IGF1R: variants seen among roughly 807,000 people sequenced by gnomAD.
IGF1R encodes the protein insulin-like growth factor 1 receptor.
IGF1R carries 44 observed loss-of-function variants against 144.6 expected under a neutral mutation model. That is an observed-to-expected ratio of 0.30 (90% CI 0.24 to 0.39). IGF1R has a LOEUF of 0.39. IGF1R is among the 10% of genes least tolerant of loss of function. IGF1R has a pLI of 1.00. For missense variants in IGF1R, 1,355 were observed against 1,833.7 expected, an observed-to-expected ratio of 0.74 and a Z score of 4.77; for synonymous variants, 795 against 722.8, an observed-to-expected ratio of 1.10 and a Z score of -1.60.
intron 2 of IGF1R, among the ~76,000 whole-genome samples, chr15:98,752,454 C>T (rs575238371): frequency 1.6e-4 from 24 of 152,186 alleles, no homozygotes; most frequent in African/African-American, 3.6e-4. Flanking sequence ...GAGGCCGAGG[C>T]GGGTGGATCA....
At chr15:98,831,017 A>G (rs1392342695) in intron 2 of IGF1R, among the ~76,000 whole-genome samples, 1 of 152,166 alleles carries the variant, frequency 6.6e-6, no homozygotes, top group East Asian at 1.9e-4. Context: ...ATCTCCTGGT[A>G]GATAACTAAC....
At chr15:98,810,570 T>TG (rs1190124187) in intron 2 of IGF1R, among the ~76,000 whole-genome samples, 21 of 150,970 alleles carry the variant, frequency 1.4e-4, no homozygotes, top group African/African-American at 4.4e-4. Context: ...TTTTTTTTTT[T>TG]GAGACGGAGT....
In IGF1R at chr15:98,704,539, A is replaced by G. The variant is rs746135310; in HGVS notation, c.95-3023A>G. ...GTTGCTTTAGGCCAAGCTGGAGTTG[A>G]TAGTGGCTCAGATCAGAGCTAAAGT... On this transcript the variant is annotated intron_variant, in intron 1 of 20. Coordinates refer to ENST00000650285, the MANE Select transcript of IGF1R (RefSeq NM_000875.5). The surrounding 1 kb of genome is among the most constrained non-coding windows in gnomAD (Gnocchi z 4.9). Among the ~76,000 whole-genome samples, 3 of 152,134 alleles carry G rather than the reference A, an allele frequency of 2.0e-5. No individual in the cohort carries two copies. The highest frequency in any genetic ancestry group is 2.0e-4 in the Admixed American group (3 of 15,272).
chr15:98,916,514 G>C lies in IGF1R; in HGVS notation c.1997-158G>C, dbSNP rs527639799. 159 of 729,084 alleles carry C rather than the reference G, an allele frequency of 2.2e-4. No homozygotes were observed. The African/African-American group carries it at 2.3e-3, about 11-fold the overall frequency. The allele number at this position is 729,084 out of a possible 1,614,324, so 45.2% of individuals were successfully genotyped here. On this transcript the variant is annotated intron_variant, in intron 9 of 20. Transcript: ENST00000650285. ...TAACCTCAGGTGATTTGCCCGCCTCGGCCTCCCAAAGTGCTGGGATTATAG... is the reference window on the plus strand; with the variant it reads ...TAACCTCAGGTGATTTGCCCGCCTCCGCCTCCCAAAGTGCTGGGATTATAG...
At chr15:98,665,056 C>T (rs1216447552) in intron 1 of IGF1R, among the ~76,000 whole-genome samples, 3 of 150,364 alleles carry the variant, frequency 2.0e-5, no homozygotes, top group Non-Finnish European at 3.0e-5. Context: ...CTCCCGGGTT[C>T]ACGCCATTCT....
At chr15:98,714,757 G>GC (rs1387457384) in intron 2 of IGF1R, among the ~76,000 whole-genome samples, 2 of 152,190 alleles carry the variant, frequency 1.3e-5, no homozygotes, top group Non-Finnish European at 2.9e-5. Flanking sequence ...GGGAAGAGGG[G>GC]CACATTGTCT....
intron 3 of IGF1R, among the ~76,000 whole-genome samples, chr15:98,894,632 G>A (rs1023946102): frequency 2.0e-5 from 3 of 152,200 alleles, no homozygotes; most frequent in Non-Finnish European, 2.9e-5. Context: ...AGCCAGGCAC[G>A]GCGGCTCACG....
intron 2 of IGF1R, among the ~76,000 whole-genome samples, chr15:98,787,435 G>C (rs749998908): frequency 6.6e-6 from 1 of 152,196 alleles, no homozygotes; most frequent in Non-Finnish European, 1.5e-5. Flanking sequence ...GCGTTGGAGC[G>C]TGAGCAAAGG....
intron 2 of IGF1R, among the ~76,000 whole-genome samples, chr15:98,825,626 C>A (rs974486777): frequency 3.9e-5 from 6 of 152,168 alleles, no homozygotes; most frequent in African/African-American, 1.4e-4. Context: ...CCAAAACCAT[C>A]CCTCTCCCCC....
chr15:98,705,323 C>T (rs2053834977), intron 1 of IGF1R, among the ~76,000 whole-genome samples: 1 of 152,136 alleles, frequency 6.6e-6, no homozygotes, highest in Admixed American at 6.5e-5. Context: ...ATAATGGGGA[C>T]AGAAGCTCAG....
At chr15:98,929,762 A>C in intron 14 of IGF1R, 102 bp downstream of exon 14, 1 of 843,964 alleles carries the variant, frequency 1.2e-6, no homozygotes, top group Non-Finnish European at 2.0e-6. Context: ...GAAATATTTT[A>C]TGGACTGGAA....
At chr15:98,712,535 T>TA (rs2054016611) in intron 2 of IGF1R, among the ~76,000 whole-genome samples, 1 of 152,000 alleles carries the variant, frequency 6.6e-6, no homozygotes, top group Non-Finnish European at 1.5e-5. Context: ...TCCTCCCCCT[T>TA]ACAGCAGTGA....
rs140437144 is a variant in IGF1R, at chr15:98,957,414, T to C, written c.4076T>C (p.Leu1359Ser). Residue 1359 changes from leucine to serine, a missense_variant, in exon 21 of 21, where the codon TTG becomes TCG. By Grantham distance (145) the Leu-to-Ser change is moderately radical. Transcript: ENST00000650285. Reference sequence around the variant, plus strand: ...GGGGGCCGCAAGAACGAGCGGGCCTTGCCGCTGCCCCAGTCTTCGACCTGC... The same window carrying C: ...GGGGGCCGCAAGAACGAGCGGGCCTCGCCGCTGCCCCAGTCTTCGACCTGC... ...MNGGRKNERA[L>S]PLPQSSTC 3 of 1,613,224 alleles carry C rather than the reference T, an allele frequency of 1.9e-6. No homozygotes were observed. The highest frequency in any genetic ancestry group is 2.5e-6 in the Non-Finnish European group (3 of 1,180,040).
chr15:98,929,270 A>G (rs570464001), intron 13 of IGF1R, among the ~76,000 whole-genome samples: 1 of 152,294 alleles, frequency 6.6e-6, no homozygotes, highest in East Asian at 1.9e-4. Context: ...AACTGCGTAC[A>G]AAGATTATTT....
intron 2 of IGF1R, among the ~76,000 whole-genome samples, chr15:98,846,673 C>G (rs774196083): frequency 6.6e-6 from 1 of 152,190 alleles, no homozygotes; most frequent in Non-Finnish European, 1.5e-5. Flanking sequence ...GCAGTACTGC[C>G]AGACTCAGGG....
chr15:98,684,605 C>A (rs1237285655), intron 1 of IGF1R, among the ~76,000 whole-genome samples: 1 of 152,172 alleles, frequency 6.6e-6, no homozygotes, highest in African/African-American at 2.4e-5. Context: ...GAATGTTATA[C>A]AAACATAACT....
chr15:98,766,969 G>T (rs887877072), intron 2 of IGF1R, among the ~76,000 whole-genome samples: 1 of 152,288 alleles, frequency 6.6e-6, no homozygotes. Flanking sequence ...TGGTGTCAGC[G>T]TAGGGACCAG....
chr15:98,785,704 A>T (rs1317715005), intron 2 of IGF1R, among the ~76,000 whole-genome samples: 2 of 152,130 alleles, frequency 1.3e-5, no homozygotes, highest in African/African-American at 2.4e-5. Flanking sequence ...GCCTGCTGTG[A>T]TTGTGCTATT....
At chr15:98,670,606 G>A (rs1031512464) in intron 1 of IGF1R, among the ~76,000 whole-genome samples, 1 of 152,214 alleles carries the variant, frequency 6.6e-6, no homozygotes, top group African/African-American at 2.4e-5. Context: ...TGGGGAGGTA[G>A]TAGTGGATGT....
Sources: allele counts gnomAD v4.1 joint callset (sites outside exome capture counted in the v4.1 genomes callset), GRCh38; gene constraint gnomAD v4.1.1; non-coding constraint Gnocchi (gnomAD v3.1); transcripts MANE v1.5; gene names NCBI Gene and HGNC (gene_info 2026-07-23, HGNC 2026-07-21).